Variants in ASTN2 observed in about 807,000 individuals in gnomAD.
ASTN2 encodes the protein astrotactin-2.
A neutral mutation model predicts 139.8 loss-of-function variants in ASTN2; 54 were observed. The observed-to-expected ratio is 0.39, with a 90% CI of 0.31 to 0.48. The LOEUF (loss-of-function observed/expected upper bound fraction) is 0.48, where lower values mean the gene tolerates loss of function less well. Among genes scored for constraint, ASTN2 ranks in the 20% least tolerant of loss-of-function variants. The probability of loss-of-function intolerance (pLI) is 0.95; values close to 1 mark genes in which losing one functional copy is unlikely to be tolerated. For synonymous variants in ASTN2, 756 were observed against 719.5 expected (o/e 1.05, Z -0.81); for missense variants, 1,565 against 1,725.1 (o/e 0.91, Z 1.64).
chr9:116,627,013 G>C (rs1433577310), intron 17 of ASTN2, among the ~76,000 whole-genome samples: 1 of 152,182 alleles, frequency 6.6e-6, no homozygotes, highest in Non-Finnish European at 1.5e-5. Flanking sequence ...CACAGGGGCT[G>C]GAGGCCCCAT....
intron 1 of ASTN2, among the ~76,000 whole-genome samples, chr9:117,337,268 T>C (rs1828916865): frequency 6.6e-6 from 1 of 152,148 alleles, no homozygotes; most frequent in Admixed American, 6.5e-5. Context: ...TTAAATGGCA[T>C]ATTCAAAGAC....
At chr9:116,459,225 G>A (rs958277884) in intron 20 of ASTN2, among the ~76,000 whole-genome samples, 1 of 152,012 alleles carries the variant, frequency 6.6e-6, no homozygotes, top group Admixed American at 6.6e-5. Flanking sequence ...AGTGAATAAA[G>A]TGGGACCCCT....
intron 6 of ASTN2, among the ~76,000 whole-genome samples, chr9:117,016,527 C>T (rs1837678353): frequency 6.8e-6 from 1 of 147,680 alleles, no homozygotes; most frequent in Non-Finnish European, 1.5e-5. Flanking sequence ...GATCTCATCA[C>T]TGCATATCCC....
intron 19 of ASTN2, among the ~76,000 whole-genome samples, chr9:116,539,631 A>C (rs754823056): frequency 4.0e-4 from 61 of 152,124 alleles, no homozygotes; most frequent in African/African-American, 1.4e-3. Context: ...GATGGTACCA[A>C]CCCTATATAT....
intron 7 of ASTN2, among the ~76,000 whole-genome samples, chr9:117,004,057 C>T (rs1385549661): frequency 6.6e-6 from 1 of 151,384 alleles, no homozygotes; most frequent in East Asian, 2.0e-4. Flanking sequence ...GCTTGGCTGT[C>T]TGGTCATATG....
At chr9:116,955,444 T>A (rs911249998) in intron 10 of ASTN2, among the ~76,000 whole-genome samples, 9 of 152,254 alleles carry the variant, frequency 5.9e-5, no homozygotes, top group Non-Finnish European at 1.0e-4. Flanking sequence ...TGACTAAAAA[T>A]ATTGCATAGC....
At chr9:116,774,679 C>T (rs370341971) in intron 13 of ASTN2, among the ~76,000 whole-genome samples, 58 of 151,622 alleles carry the variant, frequency 3.8e-4, no homozygotes, top group Middle Eastern at 3.2e-3. Context: ...GCTCTACTGT[C>T]TTCCTAGGAA....
intron 5 of ASTN2, among the ~76,000 whole-genome samples, chr9:117,095,580 C>T (rs1446070313): frequency 6.6e-6 from 1 of 152,138 alleles, no homozygotes; most frequent in Non-Finnish European, 1.5e-5. Flanking sequence ...TCCCATTAAC[C>T]CTGTACATTT....
intron 17 of ASTN2, among the ~76,000 whole-genome samples, chr9:116,635,762 G>C (rs1329977424): frequency 1.3e-5 from 2 of 152,182 alleles, no homozygotes; most frequent in Non-Finnish European, 2.9e-5. Context: ...AAGCCCAAAA[G>C]CCCAAGCTCT....
chr9:116,574,882 AAATC>A (rs1262334551), intron 19 of ASTN2, among the ~76,000 whole-genome samples: 1 of 152,208 alleles, frequency 6.6e-6, no homozygotes, highest in Non-Finnish European at 1.5e-5. Context: ...TACGGGCTCA[AAATC>A]AAGTGCAGCA....
chr9:116,978,403 G>C (rs1033348218), intron 7 of ASTN2, among the ~76,000 whole-genome samples: 2 of 151,918 alleles, frequency 1.3e-5, no homozygotes, highest in African/African-American at 4.8e-5. Flanking sequence ...ATGTTGGCTT[G>C]TCTTCTTTCT....
intron 2 of ASTN2, among the ~76,000 whole-genome samples, chr9:117,222,040 A>G (rs890628733): frequency 3.9e-5 from 6 of 152,114 alleles, no homozygotes; most frequent in African/African-American, 1.4e-4. Flanking sequence ...CTACTCTATG[A>G]CTGTCCTATG....
intron 13 of ASTN2, among the ~76,000 whole-genome samples, chr9:116,739,113 C>T (rs559772805): frequency 6.6e-6 from 1 of 152,060 alleles, no homozygotes; most frequent in East Asian, 1.9e-4. Flanking sequence ...AACAATTCAT[C>T]GATTCTAAAA....
intron 7 of ASTN2, among the ~76,000 whole-genome samples, chr9:117,002,931 G>T (rs183898466): frequency 6.6e-6 from 1 of 152,266 alleles, no homozygotes; most frequent in African/African-American, 2.4e-5. Context: ...CTAGAGAGAG[G>T]GGTTCAGGAA....
intron 1 of ASTN2, among the ~76,000 whole-genome samples, chr9:117,378,540 G>C (rs77211395): frequency 0.019 from 2,871 of 152,256 alleles, 46 homozygotes; most frequent in Non-Finnish European, 0.03. Context: ...AACATCAGTT[G>C]TTCCCTTTCC....
intron 10 of ASTN2, among the ~76,000 whole-genome samples, chr9:116,906,428 G>A (rs1331095560): frequency 7.2e-6 from 1 of 139,330 alleles, no homozygotes; most frequent in East Asian, 2.0e-4. Flanking sequence ...GAAGCAGGAT[G>A]GGAGTGGGGA....
intron 13 of ASTN2, among the ~76,000 whole-genome samples, chr9:116,766,591 C>T (rs1313270021): frequency 6.6e-6 from 1 of 151,820 alleles, no homozygotes; most frequent in African/African-American, 2.4e-5. Flanking sequence ...TACACCTAAA[C>T]AGTCACATCA....
chr9:116,925,873 C>CAT (rs1239213800), intron 10 of ASTN2, among the ~76,000 whole-genome samples: 98 of 150,960 alleles, frequency 6.5e-4, no homozygotes, highest in African/African-American at 2.2e-3. Context: ...CACACACACA[C>CAT]ACACACACAC....
chr9:116,595,025 G>T (rs966749922), intron 19 of ASTN2, among the ~76,000 whole-genome samples: 3 of 152,186 alleles, frequency 2.0e-5, no homozygotes, highest in Non-Finnish European at 4.4e-5. Flanking sequence ...TAGGGATAAA[G>T]AGCAGAATTT....
Sources: allele counts gnomAD v4.1 joint callset (sites outside exome capture counted in the v4.1 genomes callset), GRCh38; gene constraint gnomAD v4.1.1; transcripts MANE v1.5; gene names NCBI Gene and HGNC (gene_info 2026-07-23, HGNC 2026-07-21).